Variants in RSRC1 observed in about 807,000 individuals in gnomAD.
RSRC1 encodes arginine and serine rich coiled-coil 1.
In RSRC1, 39 loss-of-function variants were observed where a neutral mutation model predicts 49.1. The observed-to-expected ratio is 0.79, with a 90% CI of 0.61 to 1.04. RSRC1 has a LOEUF of 1.04. Ranked by LOEUF, RSRC1 falls within the 50% of genes least tolerant of loss-of-function variation. RSRC1 has a pLI of 0.00. For synonymous variants in RSRC1, 143 were observed against 130.8 expected, an observed-to-expected ratio of 1.09 and a Z score of -0.63; for missense variants, 388 against 402.4, an observed-to-expected ratio of 0.96 and a Z score of 0.31.
intron 5 of RSRC1, among the ~76,000 whole-genome samples, chr3:158,304,763 G>T (rs557275814): frequency 3.3e-5 from 5 of 152,022 alleles, no homozygotes; most frequent in Admixed American, 3.3e-4. Context: ...GTGAAACTGC[G>T]TATTAAAACA....
intron 4 of RSRC1, among the ~76,000 whole-genome samples, chr3:158,223,101 A>G (rs1722315684): frequency 1.3e-5 from 2 of 151,632 alleles, no homozygotes; most frequent in Non-Finnish European, 3.0e-5. Flanking sequence ...CTTCTCTCTT[A>G]TCTTGTAGGT....
chr3:158,267,542 T>C (rs1270869694), intron 4 of RSRC1, among the ~76,000 whole-genome samples: 1 of 152,030 alleles, frequency 6.6e-6, no homozygotes, highest in African/African-American at 2.4e-5. Context: ...TTAAAAAAAT[T>C]TTTTTTTCTT....
chr3:158,145,046 A>G (rs1220250761), intron 3 of RSRC1, among the ~76,000 whole-genome samples: 1 of 152,074 alleles, frequency 6.6e-6, no homozygotes, highest in Admixed American at 6.5e-5. Flanking sequence ...TTGTCAGATG[A>G]GTAGATTGCA....
intron 6 of RSRC1, among the ~76,000 whole-genome samples, chr3:158,408,801 G>T (rs1429687840): frequency 1.3e-5 from 2 of 152,042 alleles, no homozygotes; most frequent in African/African-American, 2.4e-5. Flanking sequence ...GGAGACCAAG[G>T]TAGGGGGATC....
At chr3:158,378,440 A>C (rs145712395) in intron 6 of RSRC1, among the ~76,000 whole-genome samples, 6 of 152,244 alleles carry the variant, frequency 3.9e-5, no homozygotes, top group African/African-American at 1.2e-4. Flanking sequence ...GACATTGTGA[A>C]TATTTGGTTG....
chr3:158,523,921 C>T (rs1324570298), intron 7 of RSRC1, among the ~76,000 whole-genome samples: 1 of 152,014 alleles, frequency 6.6e-6, no homozygotes, highest in African/African-American at 2.4e-5. Flanking sequence ...AAGAAAATGC[C>T]TTGAGCATCC....
chr3:158,164,791 A>G lies in RSRC1; in HGVS notation c.321-38281A>G, dbSNP rs140631086. Among the ~76,000 whole-genome samples the G allele has an allele frequency of 5.5e-3, 839 of 152,254 alleles. 8 individuals are homozygous for G. Among genetic ancestry groups the G allele is most frequent in the African/African-American group, 0.019 (802 of 41,564 alleles). ...CATATTTTATCTTGTCTTGTTTTCT[A>G]ATTGAAGAGAAGGGGCCAAAGCTAA... On this transcript the variant is annotated intron_variant, in intron 3 of 9. Coordinates refer to ENST00000611884, the MANE Select transcript of RSRC1 (RefSeq NM_001271838.2).
chr3:158,385,385 CA>C (rs1732916622), intron 6 of RSRC1, among the ~76,000 whole-genome samples: 1 of 152,142 alleles, frequency 6.6e-6, no homozygotes, highest in Non-Finnish European at 1.5e-5. Flanking sequence ...AGGAAAACTA[CA>C]AAGTGTTAAA....
intron 6 of RSRC1, among the ~76,000 whole-genome samples, chr3:158,405,628 T>C (rs914431963): frequency 6.6e-6 from 1 of 152,106 alleles, no homozygotes; most frequent in African/African-American, 2.4e-5. Flanking sequence ...AAGTAGCAGA[T>C]TGAAGTGGTT....
At position 158,252,445 on chromosome 3, in the gene RSRC1, G is replaced by A. The variant is rs185526354; in HGVS notation, c.495-45594G>A. 2.6e-3 allele frequency among the ~76,000 whole-genome samples: 400 copies of A among 151,924 alleles called. 1 individual carries two copies. Among genetic ancestry groups the A allele is most frequent in the African/African-American group, 9.3e-3 (384 of 41,442 alleles). On this transcript the variant is annotated intron_variant, in intron 4 of 9. Transcript: ENST00000611884. Reference sequence around the variant, plus strand: ...CTCCCAAAGTGCTGGGATTACAGGCGTAAGCCACCACGCCCGGCCGATGAA... The same window carrying A: ...CTCCCAAAGTGCTGGGATTACAGGCATAAGCCACCACGCCCGGCCGATGAA...
chr3:158,292,216 G>A (rs190208763), intron 4 of RSRC1, among the ~76,000 whole-genome samples: 75 of 152,226 alleles, frequency 4.9e-4, no homozygotes, highest in Non-Finnish European at 1.8e-4. Flanking sequence ...ACTACAAATT[G>A]GATGAACAGC....
intron 3 of RSRC1, among the ~76,000 whole-genome samples, chr3:158,180,419 CGTGTGT>C (rs374155981): frequency 1.7e-4 from 7 of 40,776 alleles, no homozygotes; most frequent in African/African-American, 3.4e-4. Flanking sequence ...TTTTTTTTGC[CGTGTGT>C]GTGTGTGTGT....
intron 3 of RSRC1, among the ~76,000 whole-genome samples, chr3:158,201,026 T>G (rs1721015651): frequency 6.6e-6 from 1 of 152,174 alleles, no homozygotes; most frequent in Admixed American, 6.5e-5. Context: ...TAGTATTTAT[T>G]GTAATGCAAG....
chr3:158,267,274 T>C (rs1725242585), intron 4 of RSRC1, among the ~76,000 whole-genome samples: 1 of 152,192 alleles, frequency 6.6e-6, no homozygotes, highest in Non-Finnish European at 1.5e-5. Context: ...CCAGGTTTTC[T>C]TTTTATCTTT....
intron 6 of RSRC1, among the ~76,000 whole-genome samples, chr3:158,434,856 G>A (rs1213497541): frequency 1.3e-5 from 2 of 151,754 alleles, no homozygotes; most frequent in African/African-American, 4.8e-5. Context: ...ATCACATGGG[G>A]GTAAAGTTTT....
chr3:158,118,125 T>C (rs2108156629), intron 1 of RSRC1, among the ~76,000 whole-genome samples: 1 of 152,220 alleles, frequency 6.6e-6, no homozygotes, highest in Admixed American at 6.5e-5. Context: ...AATTTTTGTA[T>C]TTTTTGTGGA....
intron 6 of RSRC1, among the ~76,000 whole-genome samples, chr3:158,409,063 A>C (rs1734294797): frequency 6.6e-6 from 1 of 151,944 alleles, no homozygotes; most frequent in African/African-American, 2.4e-5. Context: ...TTAATAAAAT[A>C]AGTGGGAGCT....
At chr3:158,369,764 T>C (rs1731967885) in intron 6 of RSRC1, among the ~76,000 whole-genome samples, 1 of 152,178 alleles carries the variant, frequency 6.6e-6, no homozygotes, top group East Asian at 1.9e-4. Flanking sequence ...TTGTTCTATA[T>C]TTGTAAAGGA....
rs543876818 is a variant in RSRC1, at chr3:158,368,115, C to T, written c.583+13207C>T. Among the ~76,000 whole-genome samples the T allele has an allele frequency of 2.0e-5, 3 of 152,288 alleles. No individual in the cohort carries two copies. The South Asian group carries it at 6.2e-4, about 32-fold the overall frequency. On this transcript the variant is annotated intron_variant, in intron 6 of 9. Coordinates refer to ENST00000611884, the MANE Select transcript of RSRC1 (RefSeq NM_001271838.2). ...CTTGTTTGAGCAGATGTTAAGCAGA[C>T]AGTAGTTGAATGTTAATTTTGAGAG...
Sources: allele counts gnomAD v4.1 joint callset (sites outside exome capture counted in the v4.1 genomes callset), GRCh38; gene constraint gnomAD v4.1.1; transcripts MANE v1.5; gene names NCBI Gene and HGNC (gene_info 2026-07-23, HGNC 2026-07-21).